The following SVIL variants were observed in gnomAD, a reference collection of about 807,000 sequenced individuals.
SVIL encodes the protein supervillin, also known as archvillin.
Under a neutral mutation model 240.4 loss-of-function variants are expected in SVIL, and 101 were observed. The ratio of observed to expected loss-of-function variants is 0.42; its 90% CI spans 0.36 to 0.50. The LOEUF is 0.50. SVIL is among the 20% of genes least tolerant of loss of function. The pLI, the probability that SVIL is intolerant of heterozygous loss-of-function variation, is 0.01. For missense variants in SVIL, 2,512 were observed against 2,818.7 expected (o/e 0.89, Z 2.46); for synonymous variants, 999 against 1,100.0 (o/e 0.91, Z 1.82).
chr10:29,587,933 A>T (rs1426196103), intron 1 of SVIL, among the ~76,000 whole-genome samples: 1 of 152,168 alleles, frequency 6.6e-6, no homozygotes, highest in Non-Finnish European at 1.5e-5. Flanking sequence ...AATATTCATT[A>T]TTTTTAATTC....
chr10:29,676,377 A>AGT (rs112042524), intron 2 of SVIL, among the ~76,000 whole-genome samples: 5,942 of 151,282 alleles, frequency 0.039, 153 homozygotes, highest in East Asian at 0.097. Flanking sequence ...GAAAAAAAAG[A>AGT]GTGTGTGTGT....
At chr10:29,627,765 T>G (rs1006648772) in intron 1 of SVIL, among the ~76,000 whole-genome samples, 5 of 152,218 alleles carry the variant, frequency 3.3e-5, no homozygotes, top group Non-Finnish European at 7.3e-5. Flanking sequence ...GTAAAGTACA[T>G]CCCATGAAGC....
At chr10:29,608,756 C>T (rs1386140471) in intron 1 of SVIL, among the ~76,000 whole-genome samples, 2 of 152,214 alleles carry the variant, frequency 1.3e-5, no homozygotes, top group Non-Finnish European at 1.5e-5. Context: ...GTGCAGATAG[C>T]CTGCGTGCCA....
At chr10:29,719,048 C>T (rs989923407) in intron 1 of SVIL, among the ~76,000 whole-genome samples, 16 of 152,128 alleles carry the variant, frequency 1.1e-4, no homozygotes, top group African/African-American at 2.7e-4. Context: ...GTGGAGGTTG[C>T]GGTGAGCTGA....
At chr10:29,493,695 G>A (rs1948176531) in intron 20 of SVIL, among the ~76,000 whole-genome samples, 1 of 151,628 alleles carries the variant, frequency 6.6e-6, no homozygotes, top group African/African-American at 2.4e-5. Flanking sequence ...ACCAGCCTCA[G>A]CCTCATTCTA....
At chr10:29,582,528 G>A (rs565644266) in intron 1 of SVIL, among the ~76,000 whole-genome samples, 3 of 152,214 alleles carry the variant, frequency 2.0e-5, no homozygotes, top group Admixed American at 6.5e-5. Context: ...CTTGAGACCA[G>A]GAGTTAGAGA....
intron 34 of SVIL, among the ~76,000 whole-genome samples, chr10:29,464,166 G>A (rs1236714375): frequency 6.6e-6 from 1 of 152,210 alleles, no homozygotes; most frequent in East Asian, 1.9e-4. Context: ...ACCGGGAGTG[G>A]TGGCTCATGC....
intron 7 of SVIL, among the ~76,000 whole-genome samples, chr10:29,534,737 G>A (rs1003017432): frequency 6.6e-6 from 1 of 152,182 alleles, no homozygotes; most frequent in Non-Finnish European, 1.5e-5. Context: ...CCCTTAGTAA[G>A]CCTCAGTTGC....
chr10:29,481,373 T>C (rs1394959425), intron 28 of SVIL, among the ~76,000 whole-genome samples: 1 of 152,018 alleles, frequency 6.6e-6, no homozygotes, highest in Non-Finnish European at 1.5e-5. Flanking sequence ...GCTCTGGTTT[T>C]CTCCTGCACA....
At chr10:29,681,715 A>T (rs569726194) in intron 2 of SVIL, among the ~76,000 whole-genome samples, 1 of 152,216 alleles carries the variant, frequency 6.6e-6, no homozygotes, top group East Asian at 1.9e-4. Context: ...TTACTCAAAG[A>T]TGGTTTCAGA....
intron 13 of SVIL, 59 bp downstream of exon 13, chr10:29,526,902 G>A (rs1950959260): frequency 1.5e-6 from 2 of 1,299,648 alleles, no homozygotes; most frequent in African/African-American, 1.5e-5. Flanking sequence ...ACTTTAGGAT[G>A]CATCTGCTGT....
At chr10:29,549,763 A>G (rs1406227682) in intron 6 of SVIL, among the ~76,000 whole-genome samples, 1 of 144,044 alleles carries the variant, frequency 6.9e-6, no homozygotes, top group African/African-American at 2.6e-5. Flanking sequence ...TCAGTAAACT[A>G]TCGCAAAAAC....
At chr10:29,553,251 T>C (rs1308717612) in intron 5 of SVIL, among the ~76,000 whole-genome samples, 2 of 152,164 alleles carry the variant, frequency 1.3e-5, no homozygotes, top group Middle Eastern at 3.4e-3. Context: ...AACAGCTGTC[T>C]CTGAGCTAGA....
chr10:29,465,679 CTG>C lies in SVIL; in HGVS notation c.6047_6048del (p.Thr2016ArgfsTer34), dbSNP rs1207459227. ...LSSSSGDFAA[T>X]EFVYPARAPS... ...GGGGCTCGGGCAGGGTACACAAACT[CTG>C]TGGCTGCAAAATCCCCAGAGGAGCT... On this transcript the variant is annotated frameshift_variant, in exon 34 of 38. Coordinates refer to ENST00000355867, the MANE Select transcript of SVIL (RefSeq NM_021738.3). LOFTEE classifies it high-confidence loss of function. 1 of 1,613,494 alleles carries C rather than the reference CTG, an allele frequency of 6.2e-7. No individual in the cohort carries two copies. The highest frequency in any genetic ancestry group is 1.7e-5 in the Admixed American group (1 of 60,008).
chr10:29,521,489 T>A (rs1274023747), intron 16 of SVIL, among the ~76,000 whole-genome samples: 1 of 152,182 alleles, frequency 6.6e-6, no homozygotes, highest in Non-Finnish European at 1.5e-5. Flanking sequence ...TCCATCATGT[T>A]TTTTTCCTAC....
intron 17 of SVIL, among the ~76,000 whole-genome samples, chr10:29,502,367 G>C (rs1948960517): frequency 1.3e-5 from 2 of 151,980 alleles, no homozygotes; most frequent in Non-Finnish European, 2.9e-5. Context: ...ATATATATTT[G>C]TTCATTTGAT....
intron 2 of SVIL, among the ~76,000 whole-genome samples, chr10:29,661,555 C>T (rs145388548): frequency 1.8e-3 from 272 of 152,260 alleles, no homozygotes; most frequent in African/African-American, 6.2e-3. Flanking sequence ...CTCTCTTGAC[C>T]TTTCCAAGGC....
rs1948139019 is a variant in SVIL, at chr10:29,493,327, T to C, written c.3906A>G (p.Pro1302=). The part of the protein sequence containing the change: ...TGKSVKEVMK[P]DDDETFAKFY... ...ATTTGGCAAAGGTTTCATCATCATCTGGCTTCATCACCTCCTTCACAGATT... is the reference window on the plus strand; with the variant it reads ...ATTTGGCAAAGGTTTCATCATCATCCGGCTTCATCACCTCCTTCACAGATT... The change falls in exon 21 of 38, where the codon CCA becomes CCG. Residue 1302 remains proline, a synonymous_variant. Coordinates refer to ENST00000355867, the MANE Select transcript of SVIL (RefSeq NM_021738.3). The C allele has an allele frequency of 5.0e-6, 8 of 1,614,112 alleles. No individual in the cohort carries two copies. In the South Asian group the frequency reaches 5.5e-5, roughly 11 times the overall value.
intron 16 of SVIL, among the ~76,000 whole-genome samples, chr10:29,521,176 T>A (rs1237697142): frequency 2.9e-5 from 4 of 137,086 alleles, no homozygotes; most frequent in African/African-American, 1.1e-4. Flanking sequence ...TAAGCCAAGA[T>A]CATCCCATTG....
Sources: allele counts gnomAD v4.1 joint callset (sites outside exome capture counted in the v4.1 genomes callset), GRCh38; gene constraint gnomAD v4.1.1; transcripts MANE v1.5; gene names NCBI Gene and HGNC (gene_info 2026-07-23, HGNC 2026-07-21).